ARHGAP24: variants seen among roughly 807,000 people sequenced by gnomAD.
ARHGAP24 encodes rho GTPase-activating protein 24.
In ARHGAP24, 50 loss-of-function variants were observed where a neutral mutation model predicts 76.4. The ratio of observed to expected loss-of-function variants is 0.65; its 90% confidence interval spans 0.52 to 0.83. The LOEUF is 0.83. Ranked by LOEUF, ARHGAP24 falls within the 40% of genes least tolerant of loss-of-function variation. ARHGAP24 has a pLI of 0.00. For missense variants in ARHGAP24, 930 were observed against 914.2 expected (o/e 1.02, Z -0.22); for synonymous variants, 345 against 323.3 (o/e 1.07, Z -0.72).
intron 1 of ARHGAP24, among the ~76,000 whole-genome samples, chr4:85,487,215 TA>T (rs1377070262): frequency 2.4e-4 from 32 of 134,426 alleles, no homozygotes; most frequent in East Asian, 1.6e-3. Context: ...TTTATATATA[TA>T]AAAATATATA....
intron 2 of ARHGAP24, among the ~76,000 whole-genome samples, chr4:85,594,409 C>G (rs1007041446): frequency 1.3e-5 from 2 of 152,008 alleles, no homozygotes; most frequent in Non-Finnish European, 2.9e-5. Flanking sequence ...GATAATTTGA[C>G]TTCTTCCTTT....
intron 2 of ARHGAP24, among the ~76,000 whole-genome samples, chr4:85,625,982 T>A (rs1030594604): frequency 1.3e-5 from 2 of 152,198 alleles, no homozygotes; most frequent in African/African-American, 4.8e-5. Flanking sequence ...GTGAGATGGG[T>A]TTCCTGAATA....
chr4:85,663,536 C>T lies in ARHGAP24; in HGVS notation c.181-58349C>T, dbSNP rs539190935. On this transcript the variant is annotated intron_variant, in intron 2 of 9. Coordinates refer to ENST00000395184, the MANE Select transcript of ARHGAP24 (RefSeq NM_001025616.3). ...TCCTTCTCCTGCCTAATTGCCCTGGCCAGAACTTCCAACACTATGTTGAAT... is the reference window on the plus strand; with the variant it reads ...TCCTTCTCCTGCCTAATTGCCCTGGTCAGAACTTCCAACACTATGTTGAAT... Among the ~76,000 whole-genome samples, 1,084 of 148,632 alleles carry T rather than the reference C, an allele frequency of 7.3e-3. 15 individuals are homozygous for T. The highest frequency in any genetic ancestry group is 0.026 in the African/African-American group (1,033 of 39,428).
intron 1 of ARHGAP24, among the ~76,000 whole-genome samples, chr4:85,562,524 A>G (rs1175247227): frequency 7.3e-6 from 1 of 137,552 alleles, no homozygotes; most frequent in African/African-American, 2.5e-5. Flanking sequence ...AGGGTAGAAC[A>G]TGGAGATTTA....
At chr4:85,565,130 C>T (rs931753757) in intron 1 of ARHGAP24, among the ~76,000 whole-genome samples, 1 of 151,540 alleles carries the variant, frequency 6.6e-6, no homozygotes. Flanking sequence ...CGTAGACATA[C>T]AGCTCAATAT....
At chr4:85,733,324 A>G (rs2869380) in intron 3 of ARHGAP24, among the ~76,000 whole-genome samples, 81,102 of 150,826 alleles carry the variant, frequency 0.54, 24,091 homozygotes, top group Non-Finnish European at 0.69. Flanking sequence ...CGGCCTCCCA[A>G]AGTGCTGGGA....
chr4:85,852,805 C>A (rs1290892734), intron 3 of ARHGAP24, among the ~76,000 whole-genome samples: 1 of 152,184 alleles, frequency 6.6e-6, no homozygotes, highest in African/African-American at 2.4e-5. Context: ...GCAAATATTG[C>A]AGAACAGCAA....
intron 1 of ARHGAP24, among the ~76,000 whole-genome samples, chr4:85,568,688 A>G (rs1726950160): frequency 6.6e-6 from 1 of 152,146 alleles, no homozygotes; most frequent in African/African-American, 2.4e-5. Flanking sequence ...GTTTTCTGCA[A>G]TAAGTGGTTA....
chr4:85,819,659 C>T (rs1729384955), intron 3 of ARHGAP24, among the ~76,000 whole-genome samples: 1 of 152,192 alleles, frequency 6.6e-6, no homozygotes, highest in Non-Finnish European at 1.5e-5. Flanking sequence ...TGGCTCATGC[C>T]TGTAATCCCA....
At chr4:85,956,581 A>G (rs867381162) in intron 5 of ARHGAP24, among the ~76,000 whole-genome samples, 3 of 151,732 alleles carry the variant, frequency 2.0e-5, no homozygotes, top group African/African-American at 7.3e-5. Context: ...TTATAGCTCT[A>G]TTAGAAGCCG....
At chr4:85,587,470 C>T (rs1215745265) in intron 2 of ARHGAP24, among the ~76,000 whole-genome samples, 3 of 152,140 alleles carry the variant, frequency 2.0e-5, no homozygotes, top group East Asian at 1.9e-4. Context: ...TTGATTTTAA[C>T]ATGTAATGAT....
chr4:85,872,793 G>A (rs956962118), intron 3 of ARHGAP24, among the ~76,000 whole-genome samples: 5 of 150,798 alleles, frequency 3.3e-5, no homozygotes, highest in Admixed American at 2.0e-4. Context: ...TAGAGATGGG[G>A]TCTTGCCATG....
intron 3 of ARHGAP24, among the ~76,000 whole-genome samples, chr4:85,757,082 A>G (rs1165926019): frequency 1.3e-5 from 2 of 152,092 alleles, no homozygotes; most frequent in African/African-American, 2.4e-5. Context: ...TGAGCCTGTA[A>G]TGAGTCAATT....
intron 2 of ARHGAP24, among the ~76,000 whole-genome samples, chr4:85,622,488 G>A (rs1192882805): frequency 6.6e-6 from 1 of 151,906 alleles, no homozygotes; most frequent in Admixed American, 6.6e-5. Flanking sequence ...TCTTAATCCA[G>A]TCTATCGTTG....
chr4:85,978,107 G>A (rs992590061), intron 8 of ARHGAP24, among the ~76,000 whole-genome samples: 11 of 152,148 alleles, frequency 7.2e-5, no homozygotes, highest in African/African-American at 2.7e-4. Context: ...ATAAGACAAT[G>A]CTGCTTGTTT....
intron 3 of ARHGAP24, among the ~76,000 whole-genome samples, chr4:85,731,045 ATG>A (rs1282764670): frequency 1.6e-4 from 24 of 148,914 alleles, no homozygotes; most frequent in African/African-American, 5.4e-4. Flanking sequence ...GAGACTGGGC[ATG>A]TGTGTGTGTG....
chr4:85,487,305 AT>A (rs1373837822), intron 1 of ARHGAP24, among the ~76,000 whole-genome samples: 2 of 121,764 alleles, frequency 1.6e-5, no homozygotes, highest in African/African-American at 6.5e-5. Flanking sequence ...ATATATATTT[AT>A]TATATATAAA....
intron 2 of ARHGAP24, among the ~76,000 whole-genome samples, chr4:85,607,616 G>T (rs1251112452): frequency 6.6e-6 from 1 of 151,180 alleles, no homozygotes; most frequent in African/African-American, 2.4e-5. Context: ...GCCACTCTGG[G>T]ATGAATTTTA....
At chr4:85,883,781 G>GA (rs35083003) in intron 3 of ARHGAP24, among the ~76,000 whole-genome samples, 12,816 of 152,164 alleles carry the variant, frequency 0.084, 654 homozygotes, top group Middle Eastern at 0.13. Context: ...CACAAATTAT[G>GA]AAGCCATACA....
Sources: allele counts gnomAD v4.1 joint callset (sites outside exome capture counted in the v4.1 genomes callset), GRCh38; gene constraint gnomAD v4.1.1; transcripts MANE v1.5; gene names NCBI Gene and HGNC (gene_info 2026-07-23, HGNC 2026-07-21).